The following HIPK2 variants were observed in gnomAD, a reference collection of about 807,000 sequenced individuals.
The protein encoded by HIPK2 is homeodomain-interacting protein kinase 2.
In HIPK2, 27 loss-of-function variants were observed where a neutral mutation model predicts 113.7. The ratio of observed to expected loss-of-function variants is 0.24; its 90% CI spans 0.17 to 0.33. The LOEUF is 0.33. Ranked by LOEUF, HIPK2 falls within the 10% of genes least tolerant of loss-of-function variation. HIPK2 has a pLI of 1.00. For synonymous variants in HIPK2, 631 were observed against 642.2 expected, an observed-to-expected ratio of 0.98 and a Z score of 0.26; for missense variants, 1,257 against 1,588.0, an observed-to-expected ratio of 0.79 and a Z score of 3.54.
chr7:139,666,526 T>C (rs1053027885), intron 2 of HIPK2, among the ~76,000 whole-genome samples: 3 of 152,200 alleles, frequency 2.0e-5, no homozygotes, highest in Non-Finnish European at 4.4e-5. Flanking sequence ...CAGAATGAAC[T>C]GTCCCACAGA....
chr7:139,580,001 A>C (rs1247745365), intron 13 of HIPK2, among the ~76,000 whole-genome samples: 1 of 152,152 alleles, frequency 6.6e-6, no homozygotes, highest in Non-Finnish European at 1.5e-5. Context: ...ATTAGACTCA[A>C]AGGTCCCCCA....
At chr7:139,721,129 C>A (rs1795395186) in intron 1 of HIPK2, among the ~76,000 whole-genome samples, 2 of 152,166 alleles carry the variant, frequency 1.3e-5, no homozygotes, top group African/African-American at 2.4e-5. Flanking sequence ...TTTATGAAGT[C>A]AACAGCCGCT....
intron 2 of HIPK2, among the ~76,000 whole-genome samples, chr7:139,690,765 C>T (rs891019003): frequency 2.0e-5 from 3 of 152,214 alleles, no homozygotes; most frequent in African/African-American, 7.2e-5. Context: ...ACGCCAGCTC[C>T]CCTTCACCTT....
At chr7:139,584,315 G>C (rs561444919) in intron 12 of HIPK2, among the ~76,000 whole-genome samples, 3 of 152,242 alleles carry the variant, frequency 2.0e-5, no homozygotes, top group East Asian at 3.9e-4. Flanking sequence ...AAACTAGGGA[G>C]TGAGATGCTT....
chr7:139,760,828 T>C (rs961566074), intron 1 of HIPK2, among the ~76,000 whole-genome samples: 4 of 152,184 alleles, frequency 2.6e-5, no homozygotes, highest in Admixed American at 6.5e-5. Flanking sequence ...AATACCCTGA[T>C]TGTACTCTCT....
chr7:139,656,263 C>T (rs1479503683), intron 2 of HIPK2, among the ~76,000 whole-genome samples: 1 of 152,090 alleles, frequency 6.6e-6, no homozygotes. Flanking sequence ...TAATTGGATG[C>T]CTCAAAGTGA....
chr7:139,708,366 T>A (rs972263693), intron 2 of HIPK2, among the ~76,000 whole-genome samples: 7 of 150,958 alleles, frequency 4.6e-5, no homozygotes, highest in Non-Finnish European at 7.3e-5. Flanking sequence ...CATACCTCAA[T>A]AAACTGTGTG....
At chr7:139,748,163 G>T (rs73474128) in intron 1 of HIPK2, among the ~76,000 whole-genome samples, 23 of 152,106 alleles carry the variant, frequency 1.5e-4, no homozygotes, top group Non-Finnish European at 1.8e-4. Flanking sequence ...CAGAACACCC[G>T]TGTTCTTCGG....
intron 2 of HIPK2, among the ~76,000 whole-genome samples, chr7:139,674,000 G>GGCA (rs1285284190): frequency 6.6e-6 from 1 of 151,312 alleles, no homozygotes; most frequent in Non-Finnish European, 1.5e-5. Flanking sequence ...GAGCTGAGGA[G>GGCA]GCAGAGGTTG....
intron 12 of HIPK2, among the ~76,000 whole-genome samples, chr7:139,590,172 A>G (rs1283605175): frequency 6.6e-6 from 1 of 152,228 alleles, no homozygotes; most frequent in Admixed American, 6.5e-5. Context: ...TATCAATCCC[A>G]TTATGAGTTG....
chr7:139,705,950 G>A (rs547557681), intron 2 of HIPK2, among the ~76,000 whole-genome samples: 11 of 152,094 alleles, frequency 7.2e-5, no homozygotes, highest in African/African-American at 2.2e-4. Context: ...CAGCTCTTAC[G>A]TACGAAGACA....
chr7:139,739,748 T>C (rs1053258379), intron 1 of HIPK2, among the ~76,000 whole-genome samples: 1 of 152,124 alleles, frequency 6.6e-6, no homozygotes, highest in African/African-American at 2.4e-5. Flanking sequence ...AAACCATGAA[T>C]CTCTACTTTC....
chr7:139,626,750 C>T lies in HIPK2; in HGVS notation c.1470G>A (p.Met490Ile). 1 of 1,614,002 alleles carries T rather than the reference C, an allele frequency of 6.2e-7. No individual in the cohort carries two copies. Among genetic ancestry groups the T allele is most frequent in the Non-Finnish European group, 8.5e-7 (1 of 1,179,902 alleles). ...CCCGCCGGTCAGCCTTTTCTACCAA[C>T]ATGTCGCTCCCTTCCAAATCTGTCG... ...NMTTDLEGSDMLVEKADRREF... is the reference protein window; with the variant it reads ...NMTTDLEGSDILVEKADRREF... The change falls in exon 6 of 15, where the codon ATG (methionine) becomes ATA (isoleucine). Residue 490 changes from methionine (M) to isoleucine (I), a missense_variant. Met to Ile is a conservative substitution (Grantham distance 10). This residue lies in a region of HIPK2 where 862 missense variants were observed against 1,004.3 expected (regional missense o/e 0.86). Coordinates refer to ENST00000406875, the MANE Select transcript of HIPK2 (RefSeq NM_022740.5).
At chr7:139,647,043 T>C (rs1801257597) in intron 2 of HIPK2, among the ~76,000 whole-genome samples, 1 of 151,674 alleles carries the variant, frequency 6.6e-6, no homozygotes, top group Non-Finnish European at 1.5e-5. Flanking sequence ...TGAGGCTCCC[T>C]CCTGTGCTCT....
Position 139,572,650 on chromosome 7 carries a change from G to T in HIPK2, c.*277C>A. On this transcript the variant is annotated 3_prime_UTR_variant, in exon 15 of 15. Transcript: ENST00000406875. ...TTTCTTTTTTAAAATAAAAACCATA[G>T]ATTTCCCACCCTCTTTAATCCCTTC... 1 of 329,828 alleles carries T rather than the reference G, an allele frequency of 3.0e-6. No homozygotes were observed. The highest frequency in any genetic ancestry group is 5.4e-6 in the Non-Finnish European group (1 of 185,400). 20.4% of individuals were successfully genotyped at this position (329,828 alleles called of 1,614,324 possible). A position where few individuals can be genotyped will look rare whatever the true frequency, so the allele number is the denominator to read the frequency against.
chr7:139,773,611 G>A (rs1282907272), intron 1 of HIPK2, among the ~76,000 whole-genome samples: 1 of 152,258 alleles, frequency 6.6e-6, no homozygotes, highest in East Asian at 1.9e-4. Flanking sequence ...GTCTCTATGG[G>A]AGGAAGGGAG....
chr7:139,676,077 C>G (rs1032234447), intron 2 of HIPK2, among the ~76,000 whole-genome samples: 2 of 152,208 alleles, frequency 1.3e-5, no homozygotes, highest in African/African-American at 4.8e-5. Context: ...TAACTGCGCT[C>G]ATTTTTGTTC....
intron 1 of HIPK2, among the ~76,000 whole-genome samples, chr7:139,763,244 A>T (rs1488567680): frequency 6.6e-6 from 1 of 152,194 alleles, no homozygotes; most frequent in Non-Finnish European, 1.5e-5. Flanking sequence ...TGTGATGGAA[A>T]GCAGTTGGAC....
In HIPK2 at chr7:139,566,391, A is replaced by T. The variant is rs2116396712; in HGVS notation, c.*6536T>A. 1 of 152,426 alleles carries T rather than the reference A, an allele frequency of 6.6e-6. No homozygotes were observed. Among genetic ancestry groups the T allele is most frequent in the African/African-American group, 2.4e-5 (1 of 41,586 alleles). The allele number at this position is 152,426 out of a possible 1,614,324, so 9.4% of individuals were successfully genotyped here. On this transcript the variant is annotated 3_prime_UTR_variant, in exon 15 of 15. Coordinates refer to ENST00000406875, the MANE Select transcript of HIPK2 (RefSeq NM_022740.5). This position sits in a 1 kb window ranked among gnomAD's most constrained non-coding sequence, Gnocchi z 4.1. ...TGCCGATCTCACAGGGCTACGGAGAAGATGAAACAGGACAACCCATGAGCA... is the reference window on the plus strand; with the variant it reads ...TGCCGATCTCACAGGGCTACGGAGATGATGAAACAGGACAACCCATGAGCA...
Sources: allele counts gnomAD v4.1 joint callset (sites outside exome capture counted in the v4.1 genomes callset), GRCh38; gene constraint gnomAD v4.1.1; regional missense constraint gnomAD v4.1.1; non-coding constraint Gnocchi (gnomAD v3.1); transcripts MANE v1.5; gene names NCBI Gene and HGNC (gene_info 2026-07-23, HGNC 2026-07-21).